Variants in BRINP3 observed in about 807,000 individuals in gnomAD.
The protein encoded by BRINP3 is BMP/retinoic acid-inducible neural-specific protein 3.
In BRINP3, 19 loss-of-function variants were observed where a neutral mutation model predicts 71.0. That is an observed-to-expected ratio of 0.27 (90% CI 0.19 to 0.39). The LOEUF (loss-of-function observed/expected upper bound fraction) is 0.39. Ranked by LOEUF, BRINP3 falls within the 10% of genes least tolerant of loss-of-function variation. The pLI, the probability that BRINP3 is intolerant of heterozygous loss-of-function variation, is 1.00. For missense variants in BRINP3, 959 were observed against 940.8 expected (o/e 1.02, Z -0.25); for synonymous variants, 380 against 337.7 (o/e 1.13, Z -1.37).
chr1:190,139,307 C>G (rs1025111778), intron 7 of BRINP3, among the ~76,000 whole-genome samples: 1 of 151,522 alleles, frequency 6.6e-6, no homozygotes, highest in African/African-American at 2.4e-5. Context: ...CAAAAATTAG[C>G]CAGGCATGGT....
In BRINP3 at chr1:190,338,719, ATCT is replaced by A. The variant is rs202016983; in HGVS notation, c.237-56972_237-56970del. On this transcript the variant is annotated intron_variant, in intron 2 of 7. Transcript: ENST00000367462. The stretch of plus-strand genomic sequence containing the variant: ...GGGCTGTGTCTTGCTTACCTGTACT[ATCT>A]TATACTATCCAAGACCTCTGTAGAA... Among the ~76,000 whole-genome samples, 775 of 151,930 alleles carry A rather than the reference ATCT, an allele frequency of 5.1e-3. 7 individuals are homozygous for A. The highest frequency in any genetic ancestry group is 0.018 in the African/African-American group (727 of 41,496).
At chr1:190,445,573 T>TCACACA (rs34406812) in intron 2 of BRINP3, among the ~76,000 whole-genome samples, 7 of 148,900 alleles carry the variant, frequency 4.7e-5, no homozygotes, top group Admixed American at 2.0e-4. Flanking sequence ...TAACACATAC[T>TCACACA]CACACACACA....
chr1:190,458,118 C>T (rs931921426), intron 1 of BRINP3, among the ~76,000 whole-genome samples: 10 of 151,900 alleles, frequency 6.6e-5, no homozygotes, highest in African/African-American at 2.4e-4. Context: ...GTAATTATCA[C>T]ATAATTCGGG....
chr1:190,169,029 C>T (rs1379438312), intron 6 of BRINP3, among the ~76,000 whole-genome samples: 3 of 152,074 alleles, frequency 2.0e-5, no homozygotes, highest in Admixed American at 6.6e-5. Flanking sequence ...TTTACAAGGA[C>T]GTAGATCATC....
chr1:190,162,411 G>T (rs567959480), intron 6 of BRINP3, among the ~76,000 whole-genome samples: 1 of 151,944 alleles, frequency 6.6e-6, no homozygotes. Context: ...CCAAAGTGCT[G>T]GGATTACAGG....
intron 2 of BRINP3, among the ~76,000 whole-genome samples, chr1:190,332,219 C>T (rs1667010642): frequency 6.6e-6 from 1 of 151,958 alleles, no homozygotes; most frequent in Admixed American, 6.6e-5. Context: ...TATATACTGC[C>T]AACTCTTACT....
chr1:190,198,857 C>G (rs565294577), intron 6 of BRINP3, among the ~76,000 whole-genome samples: 3 of 152,300 alleles, frequency 2.0e-5, no homozygotes, highest in Non-Finnish European at 4.4e-5. Flanking sequence ...TCCCTGTTAA[C>G]CAGTTCCAAA....
chr1:190,202,053 A>C lies in BRINP3; in HGVS notation c.961+24029T>G, dbSNP rs201291047. On this transcript the variant is annotated intron_variant, in intron 6 of 7. Coordinates refer to ENST00000367462, the MANE Select transcript of BRINP3 (RefSeq NM_199051.3). ...AATGGTACATCCACTGACAGCTTGC[A>C]CCATATGCCTGGAAAAGTAGCAGAT... 2.2e-4 allele frequency among the ~76,000 whole-genome samples: 33 copies of C among 152,230 alleles called. No individual in the cohort carries two copies. In the East Asian group the frequency reaches 6.2e-3, roughly 29 times the overall value.
intron 2 of BRINP3, among the ~76,000 whole-genome samples, chr1:190,373,970 T>G (rs1300955756): frequency 6.6e-6 from 1 of 151,406 alleles, no homozygotes; most frequent in South Asian, 2.1e-4. Flanking sequence ...CTATTACTGC[T>G]CTGGAGCCAA....
At chr1:190,290,866 T>C (rs1663808353) in intron 2 of BRINP3, among the ~76,000 whole-genome samples, 1 of 151,816 alleles carries the variant, frequency 6.6e-6, no homozygotes. Context: ...AAGGTGGCTG[T>C]TACTGGTAAT....
chr1:190,440,635 T>C (rs1021982970), intron 2 of BRINP3, among the ~76,000 whole-genome samples: 1 of 151,980 alleles, frequency 6.6e-6, no homozygotes, highest in Admixed American at 6.6e-5. Context: ...TTTATACATT[T>C]GTACAAAGAG....
At chr1:190,295,523 C>T (rs939063384) in intron 2 of BRINP3, among the ~76,000 whole-genome samples, 6 of 152,172 alleles carry the variant, frequency 3.9e-5, no homozygotes, top group Non-Finnish European at 8.8e-5. Context: ...ATGGTCACTA[C>T]AGCCTGCTTG....
chr1:190,106,317 T>A (rs1173782250), intron 7 of BRINP3, among the ~76,000 whole-genome samples: 7 of 151,730 alleles, frequency 4.6e-5, no homozygotes, highest in African/African-American at 1.7e-4. Flanking sequence ...TATTTCATAA[T>A]TTTATTATCA....
At chr1:190,307,010 C>T (rs1217504008) in intron 2 of BRINP3, among the ~76,000 whole-genome samples, 3 of 151,740 alleles carry the variant, frequency 2.0e-5, no homozygotes, top group Non-Finnish European at 4.4e-5. Context: ...TCGTGTAGTT[C>T]TGAGGAGCAC....
intron 1 of BRINP3, chr1:190,476,116 C>A (rs1022250119): frequency 6.6e-6 from 1 of 151,884 alleles, no homozygotes; most frequent in African/African-American, 2.4e-5. Context: ...AATCCCGAGA[C>A]GGGGGGATGG....
chr1:190,240,374 A>T (rs1388865406), intron 4 of BRINP3, among the ~76,000 whole-genome samples: 1 of 152,112 alleles, frequency 6.6e-6, no homozygotes, highest in African/African-American at 2.4e-5. Context: ...TATATAGTTT[A>T]TATTCAAAAC....
At chr1:190,108,848 T>A (rs1261040032) in intron 7 of BRINP3, among the ~76,000 whole-genome samples, 1 of 151,632 alleles carries the variant, frequency 6.6e-6, no homozygotes, top group Non-Finnish European at 1.5e-5. Flanking sequence ...ATCACGCAAA[T>A]CAAATAGGTG....
At chr1:190,404,813 G>C (rs1328419352) in intron 2 of BRINP3, among the ~76,000 whole-genome samples, 1 of 152,022 alleles carries the variant, frequency 6.6e-6, no homozygotes, top group Admixed American at 6.6e-5. Context: ...TTTCTTTCTG[G>C]ATTTTCTGCT....
At chr1:190,370,735 C>A (rs936193637) in intron 2 of BRINP3, among the ~76,000 whole-genome samples, 1 of 152,208 alleles carries the variant, frequency 6.6e-6, no homozygotes, top group Non-Finnish European at 1.5e-5. Flanking sequence ...CTGACCTTTG[C>A]AGCTACTCTG....
Sources: allele counts gnomAD v4.1 joint callset (sites outside exome capture counted in the v4.1 genomes callset), GRCh38; gene constraint gnomAD v4.1.1; transcripts MANE v1.5; gene names NCBI Gene and HGNC (gene_info 2026-07-23, HGNC 2026-07-21).